ADD2: variants seen among roughly 807,000 people sequenced by gnomAD.
ADD2 encodes the protein beta-adducin.
ADD2 carries 23 observed loss-of-function variants against 83.0 expected under a neutral mutation model. That is an observed-to-expected ratio of 0.28 (90% confidence interval 0.20 to 0.39). The LOEUF (loss-of-function observed/expected upper bound fraction) is 0.39. ADD2 is among the 10% of genes least tolerant of loss of function. The pLI, the probability that ADD2 is intolerant of heterozygous loss-of-function variation, is 1.00. For synonymous variants in ADD2, 375 were observed against 375.4 expected (o/e 1.00, Z 0.01); for missense variants, 758 against 944.9 (o/e 0.80, Z 2.59).
chr2:70,741,635 G>A (rs1673914864), intron 1 of ADD2, among the ~76,000 whole-genome samples: 1 of 152,220 alleles, frequency 6.6e-6, no homozygotes, highest in Non-Finnish European at 1.5e-5. Flanking sequence ...CTTCTGGGAA[G>A]AAGCATGTTA....
chr2:70,724,578 A>G (rs368927421), intron 1 of ADD2, among the ~76,000 whole-genome samples: 1 of 152,318 alleles, frequency 6.6e-6, no homozygotes, highest in East Asian at 1.9e-4. Context: ...GCTCCCCACA[A>G]GGAGGCCTGC....
chr2:70,732,838 T>C (rs1485651345), intron 1 of ADD2, among the ~76,000 whole-genome samples: 2 of 152,136 alleles, frequency 1.3e-5, no homozygotes, highest in Middle Eastern at 3.2e-3. Flanking sequence ...CACTGGTTAT[T>C]TGGGGGAGGA....
intron 3 of ADD2, 138 bp from the exon 4 acceptor site, chr2:70,704,597 C>T: frequency 1.1e-6 from 1 of 939,622 alleles, no homozygotes; most frequent in Non-Finnish European, 1.6e-6. Flanking sequence ...CTACAGGGGA[C>T]ACTGAGCAGT....
At position 70,663,093 on chromosome 2, in the gene ADD2, T is replaced by G. The variant is rs1675600283; in HGVS notation, c.*332A>C. 1 of 244,100 alleles carries G rather than the reference T, an allele frequency of 4.1e-6. No individual in the cohort carries two copies. The highest frequency in any genetic ancestry group is 2.2e-5 in the African/African-American group (1 of 44,586). The allele number at this position is 244,100 out of a possible 1,614,324, so 15.1% of individuals were successfully genotyped here. A position where few individuals can be genotyped will look rare whatever the true frequency, so the allele number is the denominator to read the frequency against. On this transcript the variant is annotated 3_prime_UTR_variant, in exon 16 of 16. Transcript: ENST00000264436. Reference sequence around the variant, plus strand: ...CGGCCCATTTCTGGCCTTCTTGCCCTAGGCTCAGATTGGTGGACAGCATCC... The same window carrying G: ...CGGCCCATTTCTGGCCTTCTTGCCCGAGGCTCAGATTGGTGGACAGCATCC...
At chr2:70,758,643 T>TA (rs1451609601) in intron 1 of ADD2, among the ~76,000 whole-genome samples, 2 of 151,746 alleles carry the variant, frequency 1.3e-5, no homozygotes, top group Non-Finnish European at 2.9e-5. Context: ...ACCAGAATTT[T>TA]AAAAAAAATA....
At chr2:70,685,719 A>C (rs547823731) in intron 9 of ADD2, among the ~76,000 whole-genome samples, 1 of 152,330 alleles carries the variant, frequency 6.6e-6, no homozygotes, top group South Asian at 2.1e-4. Flanking sequence ...TGTTCTAATG[A>C]ATGAATTTTG....
chr2:70,764,741 G>T (rs1029970507), intron 1 of ADD2, among the ~76,000 whole-genome samples: 7 of 151,734 alleles, frequency 4.6e-5, no homozygotes, highest in African/African-American at 1.7e-4. Context: ...CTATGATCAT[G>T]CCACTGCATT....
At chr2:70,678,066 A>C (rs1179279536) in intron 11 of ADD2, among the ~76,000 whole-genome samples, 189 bp from the exon 12 acceptor site, 6 of 152,218 alleles carry the variant, frequency 3.9e-5, no homozygotes, top group African/African-American at 1.4e-4. Flanking sequence ...CAGATGACCC[A>C]GTTACCAATG....
chr2:70,749,298 G>A (rs34443120), intron 1 of ADD2, among the ~76,000 whole-genome samples: 52,028 of 152,006 alleles, frequency 0.34, 8,958 homozygotes, highest in Middle Eastern at 0.41. Flanking sequence ...GACACACGGG[G>A]AATAGGGGAT....
intron 1 of ADD2, among the ~76,000 whole-genome samples, chr2:70,760,022 C>A (rs1674998692): frequency 6.6e-6 from 1 of 152,184 alleles, no homozygotes. Context: ...TGTTGATACT[C>A]ATGGGCTGGG....
intron 1 of ADD2, among the ~76,000 whole-genome samples, chr2:70,738,063 C>T (rs375844108): frequency 2.0e-5 from 3 of 152,278 alleles, no homozygotes; most frequent in East Asian, 3.9e-4. Context: ...GCCCAGTACA[C>T]CATGAGGCCT....
At chr2:70,691,051 TTGGG>T in intron 7 of ADD2, 122 bp from the exon 8 acceptor site, 3 of 1,248,224 alleles carry the variant, frequency 2.4e-6, no homozygotes, top group Non-Finnish European at 3.2e-6. Flanking sequence ...AGGGGTGAGG[TTGGG>T]GAGCAGGCAC....
At chr2:70,697,836 C>T (rs948006976) in intron 4 of ADD2, among the ~76,000 whole-genome samples, 2 of 152,134 alleles carry the variant, frequency 1.3e-5, no homozygotes, top group Non-Finnish European at 2.9e-5. Context: ...CAACATCCAG[C>T]GAGCAGAGTA....
intron 2 of ADD2, among the ~76,000 whole-genome samples, chr2:70,707,353 G>A (rs1553374720): frequency 6.6e-6 from 1 of 152,234 alleles, no homozygotes; most frequent in Admixed American, 6.5e-5. Context: ...AGAGCCCCAC[G>A]TGCTGCGTGT....
At chr2:70,759,265 G>C (rs1553384443) in intron 1 of ADD2, among the ~76,000 whole-genome samples, 1 of 152,156 alleles carries the variant, frequency 6.6e-6, no homozygotes, top group East Asian at 1.9e-4. Context: ...GAGGCCCTAT[G>C]TTAGATCAAA....
At chr2:70,703,064 G>C (rs1403343776) in intron 4 of ADD2, among the ~76,000 whole-genome samples, 1 of 151,874 alleles carries the variant, frequency 6.6e-6, no homozygotes, top group Non-Finnish European at 1.5e-5. Flanking sequence ...AGGTTGCAGT[G>C]GGCTGAGATT....
At chr2:70,754,499 A>T (rs555134593) in intron 1 of ADD2, among the ~76,000 whole-genome samples, 1 of 152,130 alleles carries the variant, frequency 6.6e-6, no homozygotes, top group South Asian at 2.1e-4. Flanking sequence ...TTGGAAGCAC[A>T]GTCTTCCAAC....
intron 1 of ADD2, among the ~76,000 whole-genome samples, chr2:70,729,018 G>T (rs1553378828): frequency 5.3e-5 from 8 of 152,238 alleles, no homozygotes; most frequent in Non-Finnish European, 1.2e-4. Flanking sequence ...AGAGTTACAG[G>T]GACTTCGAAG....
At chr2:70,724,851 G>A (rs3771432) in intron 1 of ADD2, among the ~76,000 whole-genome samples, 40,515 of 152,142 alleles carry the variant, frequency 0.27, 6,409 homozygotes, top group African/African-American at 0.45. Context: ...GGACAGGACA[G>A]ATGCCCACAC....
Sources: allele counts gnomAD v4.1 joint callset (sites outside exome capture counted in the v4.1 genomes callset), GRCh38; gene constraint gnomAD v4.1.1; transcripts MANE v1.5; gene names NCBI Gene and HGNC (gene_info 2026-07-23, HGNC 2026-07-21).